The following TNIP3 variants were observed in gnomAD, a reference collection of about 807,000 sequenced individuals.
TNIP3 encodes the protein TNFAIP3-interacting protein 3.
TNIP3 carries 34 observed loss-of-function variants against 54.1 expected under a neutral mutation model. That is an observed-to-expected ratio of 0.63 (90% confidence interval 0.48 to 0.84). TNIP3 has a LOEUF of 0.84. TNIP3 is among the 40% of genes least tolerant of loss of function. The pLI, the probability that TNIP3 is intolerant of heterozygous loss-of-function variation, is 0.00. For missense variants in TNIP3, 366 were observed against 387.6 expected, an observed-to-expected ratio of 0.94 and a Z score of 0.47; for synonymous variants, 134 against 136.8, an observed-to-expected ratio of 0.98 and a Z score of 0.14.
intron 10 of TNIP3, among the ~76,000 whole-genome samples, chr4:121,136,201 T>G (rs1248019760): frequency 1.3e-5 from 2 of 152,212 alleles, no homozygotes; most frequent in Non-Finnish European, 2.9e-5. Flanking sequence ...TGTGATATTC[T>G]AAATGTCAAA....
intron 2 of TNIP3, among the ~76,000 whole-genome samples, chr4:121,200,292 T>C (rs1725811199): frequency 6.6e-6 from 1 of 151,748 alleles, no homozygotes; most frequent in Non-Finnish European, 1.5e-5. Context: ...AAATTACAAA[T>C]TCCCTTTTGC....
At chr4:121,178,777 C>T (rs964891631) in intron 3 of TNIP3, among the ~76,000 whole-genome samples, 5 of 152,118 alleles carry the variant, frequency 3.3e-5, no homozygotes, top group Non-Finnish European at 5.9e-5. Context: ...TCTCATGAAA[C>T]CAAACAAGTT....
intron 3 of TNIP3, 79 bp from the exon 4 acceptor site, chr4:121,157,322 A>C: frequency 6.3e-7 from 1 of 1,594,892 alleles, no homozygotes; most frequent in Admixed American, 1.7e-5. Context: ...CAGGCTATGA[A>C]CTTTGGCAGA....
At chr4:121,147,027 A>G in intron 7 of TNIP3, 22 bp downstream of exon 7, 1 of 1,594,066 alleles carries the variant, frequency 6.3e-7, no homozygotes, top group East Asian at 2.2e-5. Flanking sequence ...GCTGGCAAAG[A>G]TTATTTTGTT....
intron 3 of TNIP3, among the ~76,000 whole-genome samples, chr4:121,181,712 C>T (rs1724718815): frequency 6.6e-6 from 1 of 151,834 alleles, no homozygotes; most frequent in African/African-American, 2.4e-5. Flanking sequence ...GGTGAGCCTA[C>T]TGGTGGTTTC....
At chr4:121,157,353 C>G in intron 3 of TNIP3, 110 bp from the exon 4 acceptor site, 4 of 1,402,682 alleles carry the variant, frequency 2.9e-6, no homozygotes, top group Non-Finnish European at 4.0e-6. Flanking sequence ...CCCAGGACGT[C>G]CCCTAAGGAG....
intron 6 of TNIP3, 58 bp from the exon 7 acceptor site, chr4:121,147,232 T>C (rs1248503245): frequency 2.6e-6 from 4 of 1,560,274 alleles, no homozygotes; most frequent in South Asian, 2.4e-5. Context: ...GCCATTTAAA[T>C]GACTTTATTT....
At chr4:121,214,392 T>C (rs969913770) in intron 2 of TNIP3, among the ~76,000 whole-genome samples, 1 of 152,234 alleles carries the variant, frequency 6.6e-6, no homozygotes, top group Non-Finnish European at 1.5e-5. Context: ...TACTAAATTC[T>C]ACATAATTTT....
At chr4:121,182,458 G>C (rs13151913) in intron 3 of TNIP3, among the ~76,000 whole-genome samples, 50,636 of 151,974 alleles carry the variant, frequency 0.33, 9,931 homozygotes, top group African/African-American at 0.55. Context: ...ACACTTTAAA[G>C]TGGAAAGTGC....
At chr4:121,216,356 GT>G (rs1446805489) in intron 2 of TNIP3, 3 of 1,367,046 alleles carry the variant, frequency 2.2e-6, no homozygotes, top group Non-Finnish European at 3.0e-6. Context: ...CAAAGCAGAA[GT>G]GCTCTAATTA....
chr4:121,140,452 C>A (rs1208268226), intron 9 of TNIP3, among the ~76,000 whole-genome samples: 13 of 152,112 alleles, frequency 8.5e-5, no homozygotes, highest in Non-Finnish European at 2.9e-5. Context: ...GACTGCCTTG[C>A]CTTTTTTAAT....
At chr4:121,187,454 T>G (rs982771386) in intron 2 of TNIP3, among the ~76,000 whole-genome samples, 1 of 152,228 alleles carries the variant, frequency 6.6e-6, no homozygotes. Context: ...GTCACTTGAC[T>G]CATGAAGAGC....
chr4:121,192,169 C>CA (rs1230144727), intron 2 of TNIP3, among the ~76,000 whole-genome samples: 1 of 152,002 alleles, frequency 6.6e-6, no homozygotes, highest in Admixed American at 6.6e-5. Flanking sequence ...CGTGTGCATA[C>CA]AAAAAAGAGA....
At chr4:121,154,882 A>T (rs747892737) in intron 4 of TNIP3, among the ~76,000 whole-genome samples, 4 of 152,148 alleles carry the variant, frequency 2.6e-5, no homozygotes, top group Non-Finnish European at 4.4e-5. Flanking sequence ...TTAGGATTGA[A>T]GGAATCTTTC....
chr4:121,209,633 C>T (rs1027222791), intron 2 of TNIP3, among the ~76,000 whole-genome samples: 1 of 152,074 alleles, frequency 6.6e-6, no homozygotes, highest in African/African-American at 2.4e-5. Context: ...TAAATTCAGA[C>T]CAATAAAGTT....
intron 2 of TNIP3, among the ~76,000 whole-genome samples, chr4:121,215,065 G>T (rs1396632974): frequency 1.3e-5 from 2 of 152,144 alleles, no homozygotes; most frequent in Non-Finnish European, 2.9e-5. Context: ...GTGAATGGGA[G>T]AAATCAATAT....
chr4:121,142,662 A>G, intron 8 of TNIP3, 64 bp downstream of exon 8: 1 of 1,449,760 alleles, frequency 6.9e-7, no homozygotes, highest in Non-Finnish European at 9.6e-7. Flanking sequence ...CATGTCTTTA[A>G]TTGGGACAAT....
chr4:121,181,014 T>C (rs557095370), intron 3 of TNIP3, among the ~76,000 whole-genome samples: 16 of 152,246 alleles, frequency 1.1e-4, no homozygotes, highest in African/African-American at 3.6e-4. Context: ...AATGAGCAAA[T>C]TTCCTCAATG....
intron 2 of TNIP3, among the ~76,000 whole-genome samples, chr4:121,185,530 G>A (rs1176929561): frequency 1.3e-5 from 2 of 152,114 alleles, no homozygotes; most frequent in African/African-American, 4.8e-5. Context: ...GCCTTTGTCT[G>A]TGTTTATTCA....
Sources: allele counts gnomAD v4.1 joint callset (sites outside exome capture counted in the v4.1 genomes callset), GRCh38; gene constraint gnomAD v4.1.1; transcripts MANE v1.5; gene names NCBI Gene and HGNC (gene_info 2026-07-23, HGNC 2026-07-21).